Variants in CISD2 observed in about 807,000 individuals in gnomAD.
The protein encoded by CISD2 is CDGSH iron sulfur domain 2, also known as CDGSH iron-sulfur domain-containing protein 2.
A neutral mutation model predicts 12.9 loss-of-function variants in CISD2; 1 was observed. The ratio of observed to expected loss-of-function variants is 0.08; its 90% CI spans 0.03 to 0.37. The LOEUF (loss-of-function observed/expected upper bound fraction) is 0.37, where lower values mean the gene tolerates loss of function less well. Among genes scored for constraint, CISD2 ranks in the 10% least tolerant of loss-of-function variants. The pLI, the probability that CISD2 is intolerant of heterozygous loss-of-function variation, is 0.99. For missense variants in CISD2, 97 were observed against 163.1 expected, an observed-to-expected ratio of 0.59 and a Z score of 2.21; for synonymous variants, 50 against 60.6, an observed-to-expected ratio of 0.83 and a Z score of 0.81.
intron 1 of CISD2, chr4:102,869,537 C>T: frequency 1.4e-6 from 1 of 702,038 alleles, no homozygotes; most frequent in Non-Finnish European, 2.6e-6. Flanking sequence ...TATTTTAAAG[C>T]GGGCTAAGTC....
chr4:102,884,078 T>C (rs1196150789), intron 1 of CISD2, among the ~76,000 whole-genome samples: 4 of 152,178 alleles, frequency 2.6e-5, no homozygotes, highest in African/African-American at 9.7e-5. Flanking sequence ...CTCCTGAGAG[T>C]AGTTTTACCA....
intron 2 of CISD2, among the ~76,000 whole-genome samples, chr4:102,886,140 T>G (rs938749282): frequency 6.6e-6 from 1 of 152,160 alleles, no homozygotes; most frequent in African/African-American, 2.4e-5. Context: ...TGACATGAGA[T>G]CCTGATATGA....
chr4:102,872,643 CTA>C (rs1560901324), intron 1 of CISD2, among the ~76,000 whole-genome samples: 1 of 151,892 alleles, frequency 6.6e-6, no homozygotes, highest in Non-Finnish European at 1.5e-5. Flanking sequence ...CGGAGTTTGT[CTA>C]TGTCATTTTT....
In CISD2 at chr4:102,891,196, A is replaced by G. The variant is rs1181279115; in HGVS notation, c.*3766A>G. ...TGGTAATTGAAAAAGTCTTCTTTTTAAAAAATTTTTAATGGTAGAGGCAGC... is the reference window on the plus strand; with the variant it reads ...TGGTAATTGAAAAAGTCTTCTTTTTGAAAAATTTTTAATGGTAGAGGCAGC... On this transcript the variant is annotated 3_prime_UTR_variant, in exon 3 of 3. Coordinates refer to ENST00000273986, the MANE Select transcript of CISD2 (RefSeq NM_001008388.5). 2 of 147,212 alleles carry G rather than the reference A, an allele frequency of 1.4e-5. No individual in the cohort carries two copies. The highest frequency in any genetic ancestry group is 4.1e-4 in the South Asian group (2 of 4,826). The allele number at this position is 147,212 out of a possible 1,614,324, so 9.1% of individuals were successfully genotyped here.
intron 1 of CISD2, among the ~76,000 whole-genome samples, chr4:102,870,963 C>T (rs1279624053): frequency 6.6e-6 from 1 of 152,084 alleles, no homozygotes; most frequent in Non-Finnish European, 1.5e-5. Context: ...TTTTGGATGT[C>T]TTCACTTAAA....
chr4:102,880,221 G>A (rs1578312457), intron 1 of CISD2, among the ~76,000 whole-genome samples: 1 of 152,272 alleles, frequency 6.6e-6, no homozygotes, highest in East Asian at 1.9e-4. Context: ...TGGAATTACA[G>A]GCGTAAGCCA....
chr4:102,889,671 A>G lies in CISD2; in HGVS notation c.*2241A>G, dbSNP rs1734138123. ...CATTTTCAGTTGTTAAAATATGCTA[A>G]GAGCTATGCCCATATCTTTTCCCAC... is the stretch of plus-strand genomic sequence containing the variant. On this transcript the variant is annotated 3_prime_UTR_variant, in exon 3 of 3. Transcript: ENST00000273986. 1 of 152,242 alleles carries G rather than the reference A, an allele frequency of 6.6e-6. No homozygotes were observed. The highest frequency in any genetic ancestry group is 2.4e-5 in the African/African-American group (1 of 41,466). The allele number at this position is 152,242 out of a possible 1,614,324, so 9.4% of individuals were successfully genotyped here.
chr4:102,885,322 G>T lies in CISD2; in HGVS notation c.210G>T (p.Leu70Phe). 1 of 1,614,008 alleles carries T rather than the reference G, an allele frequency of 6.2e-7. No individual in the cohort carries two copies. Among genetic ancestry groups the T allele is most frequent in the South Asian group, 1.1e-5 (1 of 91,046 alleles). The change falls in exon 2 of 3, where the codon TTG becomes TTT. Residue 70 changes from leucine to phenylalanine, a missense_variant. Transcript: ENST00000273986. Reference sequence around the variant, plus strand: ...AGAAGAAACAACAGAAGGATAGCTTGATTAATCTTAAAATACAAAAGGAAA... The same window carrying T: ...AGAAGAAACAACAGAAGGATAGCTTTATTAATCTTAAAATACAAAAGGAAA... ...LPKKKQQKDSLINLKIQKENP... is the reference protein window; with the variant it reads ...LPKKKQQKDSFINLKIQKENP...
rs1578307108 is a variant in CISD2, at chr4:102,869,015, C to T, written c.-70C>T. The T allele has an allele frequency of 6.8e-7, 1 of 1,479,946 alleles. No individual in the cohort carries two copies. Among genetic ancestry groups the T allele is most frequent in the East Asian group, 2.8e-5 (1 of 35,736 alleles). 91.7% of individuals were successfully genotyped at this position (1,479,946 alleles called of 1,614,324 possible). On this transcript the variant is annotated 5_prime_UTR_variant, in exon 1 of 3. Transcript: ENST00000273986. ...CCAGTGCCCGCCGGCCGCTTCCGCT[C>T]CCGGCGCAGGCGCGGCAGCTTGGCC...
At chr4:102,869,254 A>C in intron 1 of CISD2, 67 bp downstream of exon 1, 1 of 1,544,378 alleles carries the variant, frequency 6.5e-7, no homozygotes, top group Non-Finnish European at 8.8e-7. Flanking sequence ...GAGGCGTAAA[A>C]ATCCTAGGGC....
At chr4:102,880,284 T>A (rs1222097690) in intron 1 of CISD2, among the ~76,000 whole-genome samples, 2 of 152,136 alleles carry the variant, frequency 1.3e-5, no homozygotes, top group Admixed American at 1.3e-4. Flanking sequence ...ACATGATAGG[T>A]AGATGCAGCC....
intron 1 of CISD2, among the ~76,000 whole-genome samples, chr4:102,876,463 C>T (rs1488079254): frequency 1.3e-5 from 2 of 152,106 alleles, no homozygotes; most frequent in Admixed American, 6.5e-5. Context: ...GGTAACTACT[C>T]AAGAGGCCAG....
chr4:102,887,068 G>T (rs541728309), intron 2 of CISD2, among the ~76,000 whole-genome samples: 23 of 152,122 alleles, frequency 1.5e-4, no homozygotes, highest in Non-Finnish European at 2.5e-4. Context: ...GAACTTATTC[G>T]ATTCCCTTTT....
At chr4:102,872,573 G>T (rs569475095) in intron 1 of CISD2, among the ~76,000 whole-genome samples, 1 of 152,236 alleles carries the variant, frequency 6.6e-6, no homozygotes, top group Non-Finnish European at 1.5e-5. Context: ...GTAGATGTTT[G>T]AAAATTTGAA....
At chr4:102,878,563 A>G (rs1423804716) in intron 1 of CISD2, among the ~76,000 whole-genome samples, 1 of 152,188 alleles carries the variant, frequency 6.6e-6, no homozygotes, top group African/African-American at 2.4e-5. Flanking sequence ...GCAGGGGCAA[A>G]ATGCCACCAG....
intron 1 of CISD2, among the ~76,000 whole-genome samples, chr4:102,877,941 T>G (rs1733628782): frequency 1.3e-5 from 2 of 152,204 alleles, no homozygotes; most frequent in Middle Eastern, 3.2e-3. Context: ...GCCCTGGGCC[T>G]GGCCCACAAA....
At chr4:102,880,883 T>C (rs1440212294) in intron 1 of CISD2, among the ~76,000 whole-genome samples, 1 of 151,252 alleles carries the variant, frequency 6.6e-6, no homozygotes, top group Non-Finnish European at 1.5e-5. Context: ...TCCCAGCTAC[T>C]CGGGAGGTCA....
At chr4:102,881,153 A>G (rs1441263874) in intron 1 of CISD2, among the ~76,000 whole-genome samples, 1 of 152,024 alleles carries the variant, frequency 6.6e-6, no homozygotes, top group Non-Finnish European at 1.5e-5. Flanking sequence ...ATTCTTCTGT[A>G]TTTTATCTTT....
At chr4:102,880,458 A>G (rs1180273113) in intron 1 of CISD2, among the ~76,000 whole-genome samples, 2 of 152,226 alleles carry the variant, frequency 1.3e-5, no homozygotes, top group Non-Finnish European at 2.9e-5. Flanking sequence ...AAATACATAA[A>G]TGTTATTTTT....
Sources: gnomAD v4.1 joint callset for allele counts (sites outside exome capture counted in the v4.1 genomes callset) on GRCh38, gnomAD v4.1.1 for gene constraint, MANE v1.5 for transcripts, NCBI Gene and HGNC (gene_info 2026-07-23, HGNC 2026-07-21) for gene names.